The following NDUFC1 variants were observed in gnomAD, a reference collection of about 807,000 sequenced individuals.
NDUFC1 encodes NADH dehydrogenase [ubiquinone] 1 subunit C1, mitochondrial.
NDUFC1 carries 11 observed loss-of-function variants against 11.6 expected under a neutral mutation model. That is an observed-to-expected ratio of 0.95 (90% CI 0.60 to 1.58). NDUFC1 has a LOEUF of 1.58. NDUFC1 is among the 40% of genes most tolerant of loss of function. The pLI is 0.00. For synonymous variants in NDUFC1, 52 were observed against 42.2 expected, an observed-to-expected ratio of 1.23 and a Z score of -0.90; for missense variants, 112 against 93.0, an observed-to-expected ratio of 1.20 and a Z score of -0.84.
chr4:139,295,336 C>G (rs1745415648), intron 3 of NDUFC1, among the ~76,000 whole-genome samples, 190 bp from the exon 4 acceptor site: 1 of 152,154 alleles, frequency 6.6e-6, no homozygotes, highest in Non-Finnish European at 1.5e-5. Flanking sequence ...TTAGACAGGA[C>G]GCACCTGTCC....
At chr4:139,293,292 G>A (rs1745310849) in intron 4 of NDUFC1, among the ~76,000 whole-genome samples, 1 of 152,144 alleles carries the variant, frequency 6.6e-6, no homozygotes, top group Non-Finnish European at 1.5e-5. Flanking sequence ...TTAGAAGTAG[G>A]ATACCTTGAT....
At chr4:139,291,342 C>T (rs1312896528) in intron 5 of NDUFC1, among the ~76,000 whole-genome samples, 10 of 151,646 alleles carry the variant, frequency 6.6e-5, no homozygotes, top group Non-Finnish European at 1.2e-4. Flanking sequence ...TTTGGGAGGC[C>T]GAGGCGGGCA....
intron 1 of NDUFC1, among the ~76,000 whole-genome samples, chr4:139,298,438 C>CAACAA (rs1745560383): frequency 1.2e-5 from 1 of 84,338 alleles, no homozygotes; most frequent in African/African-American, 4.1e-5. Context: ...AACTCTGTCT[C>CAACAA]AAAAAAAAAA....
At chr4:139,301,670 G>A (rs1191313890) in intron 1 of NDUFC1, 1 of 1,310,474 alleles carries the variant, frequency 7.6e-7, no homozygotes, top group Non-Finnish European at 1.1e-6. Context: ...GGTGGCGGCG[G>A]ATCGAGATAT....
At chr4:139,293,474 T>C (rs1441631634) in intron 4 of NDUFC1, among the ~76,000 whole-genome samples, 2 of 152,240 alleles carry the variant, frequency 1.3e-5, no homozygotes, top group African/African-American at 4.8e-5. Flanking sequence ...CTCTCAGCAG[T>C]AATTAAGCTT....
At chr4:139,295,440 C>T (rs953371930) in intron 3 of NDUFC1, among the ~76,000 whole-genome samples, 2 of 152,304 alleles carry the variant, frequency 1.3e-5, no homozygotes, top group South Asian at 4.1e-4. Context: ...AGGGTGTCTC[C>T]TCTCCCGGTT....
chr4:139,290,564 G>GA (rs1230329021), intron 5 of NDUFC1, among the ~76,000 whole-genome samples: 2 of 151,180 alleles, frequency 1.3e-5, no homozygotes, highest in African/African-American at 2.4e-5. Context: ...ATAAAATATG[G>GA]AAAAAAAGGA....
At position 139,294,987 on chromosome 4, in the gene NDUFC1, G is replaced by A; in HGVS notation, c.171+56C>T. On this transcript the variant is annotated intron_variant, in intron 4 of 5. Transcript: ENST00000394223. ...GCACCATTCAATCTCGCAATGTTAT[G>A]TCATTCCCTTACCACGCTGGTGTAG... 3.0e-6 allele frequency: 4 copies of A among 1,324,580 alleles called. No individual in the cohort carries two copies. In the South Asian group the frequency reaches 4.7e-5, roughly 16 times the overall value. 82.1% of individuals were successfully genotyped at this position (1,324,580 alleles called of 1,614,324 possible).
intron 1 of NDUFC1, chr4:139,301,884 C>A (rs933846839): frequency 1.2e-5 from 19 of 1,538,906 alleles, no homozygotes; most frequent in Non-Finnish European, 1.6e-5. Flanking sequence ...GGTAACCGGG[C>A]CTGTCACCCC....
At chr4:139,300,545 T>C (rs768006707) in intron 1 of NDUFC1, 2 of 152,150 alleles carry the variant, frequency 1.3e-5, no homozygotes, top group Non-Finnish European at 2.9e-5. Flanking sequence ...AATTTTTAGA[T>C]CAATGGAATG....
chr4:139,300,799 G>A (rs780461380), intron 1 of NDUFC1: 1 of 152,102 alleles, frequency 6.6e-6, no homozygotes, highest in Non-Finnish European at 1.5e-5. Flanking sequence ...CCGCTCCAAG[G>A]TGACTCATAA....
At chr4:139,291,090 G>A (rs992806870) in intron 5 of NDUFC1, among the ~76,000 whole-genome samples, 2 of 150,594 alleles carry the variant, frequency 1.3e-5, no homozygotes, top group Admixed American at 6.6e-5. Flanking sequence ...AGGATTACAG[G>A]CGTGAGCCAC....
At chr4:139,290,998 G>A (rs1745187252) in intron 5 of NDUFC1, among the ~76,000 whole-genome samples, 1 of 151,392 alleles carries the variant, frequency 6.6e-6, no homozygotes, top group Non-Finnish European at 1.5e-5. Context: ...TTTTAGTACT[G>A]ATGGGGTTTC....
rs1223941305 is a variant in NDUFC1, at chr4:139,292,649, T to C, written c.172-40A>G. 6.5e-6 allele frequency: 8 copies of C among 1,233,696 alleles called. No homozygotes were observed. The African/African-American group carries it at 7.6e-5, about 12-fold the overall frequency. 76.4% of individuals were successfully genotyped at this position (1,233,696 alleles called of 1,614,324 possible). ...ACAGTTAAAATTAGAAATGTAATCTTCCTGGATACTTATATTTTGTAAAGG... is the reference window on the plus strand; with the variant it reads ...ACAGTTAAAATTAGAAATGTAATCTCCCTGGATACTTATATTTTGTAAAGG... On this transcript the variant is annotated intron_variant, in intron 4 of 5. Coordinates refer to ENST00000394223, the MANE Select transcript of NDUFC1 (RefSeq NM_001184989.2).
chr4:139,295,213 A>C, intron 3 of NDUFC1, 67 bp from the exon 4 acceptor site: 1 of 1,207,130 alleles, frequency 8.3e-7, no homozygotes, highest in Non-Finnish European at 1.2e-6. Context: ...CCTAACATTT[A>C]CGTGCGTATT....
At chr4:139,293,778 A>T (rs1745329951) in intron 4 of NDUFC1, among the ~76,000 whole-genome samples, 1 of 152,158 alleles carries the variant, frequency 6.6e-6, no homozygotes, top group Non-Finnish European at 1.5e-5. Context: ...AGTCTTTTCT[A>T]GGATAGTGTG....
chr4:139,301,526 C>A, intron 1 of NDUFC1: 3 of 551,766 alleles, frequency 5.4e-6, no homozygotes, highest in South Asian at 4.5e-5. Flanking sequence ...TCGGTCTGTT[C>A]AGTTACCACG....
At chr4:139,301,386 C>G (rs1257886206) in intron 1 of NDUFC1, 2 of 420,446 alleles carry the variant, frequency 4.8e-6, no homozygotes, top group Non-Finnish European at 8.4e-6. Context: ...CACAGGCAGG[C>G]CAGCCTCCAG....
intron 4 of NDUFC1, among the ~76,000 whole-genome samples, chr4:139,294,462 C>T (rs1261217985): frequency 6.6e-6 from 1 of 151,524 alleles, no homozygotes; most frequent in African/African-American, 2.4e-5. Context: ...TATTGCCGGG[C>T]GTGGTGGCTC....
Sources: gnomAD v4.1 joint callset for allele counts (sites outside exome capture counted in the v4.1 genomes callset) on GRCh38, gnomAD v4.1.1 for gene constraint, MANE v1.5 for transcripts, NCBI Gene and HGNC (gene_info 2026-07-23, HGNC 2026-07-21) for gene names.